SIRPD: variants seen among roughly 807,000 people sequenced by gnomAD.
The protein encoded by SIRPD is signal regulatory protein delta, also known as signal-regulatory protein delta.
In SIRPD, 21 loss-of-function variants were observed where a neutral mutation model predicts 18.0. The ratio of observed to expected loss-of-function variants is 1.17; its 90% CI spans 0.83 to 1.68. The LOEUF (loss-of-function observed/expected upper bound fraction) is 1.68, where lower values mean the gene tolerates loss of function less well. SIRPD is among the 40% of genes most tolerant of loss of function. The pLI is 0.00. For missense variants in SIRPD, 295 were observed against 238.4 expected (o/e 1.24, Z -1.56); for synonymous variants, 106 against 92.9 (o/e 1.14, Z -0.81).
chr20:1,553,720 G>A (rs886971873), intron 1 of SIRPD, among the ~76,000 whole-genome samples: 10 of 152,100 alleles, frequency 6.6e-5, no homozygotes, highest in Admixed American at 2.6e-4. Context: ...GGTGGGGTTG[G>A]CATCAGAGAA....
intron 2 of SIRPD, among the ~76,000 whole-genome samples, chr20:1,549,886 A>G (rs1307948078): frequency 6.6e-6 from 1 of 152,188 alleles, no homozygotes; most frequent in African/African-American, 2.4e-5. Flanking sequence ...ATAGCTAAGT[A>G]TTTTAAAAAC....
At chr20:1,543,205 TGG>T (rs2123126327) in intron 2 of SIRPD, among the ~76,000 whole-genome samples, 1 of 152,322 alleles carries the variant, frequency 6.6e-6, no homozygotes, top group East Asian at 1.9e-4. Flanking sequence ...TTAGAAGGAA[TGG>T]TATCAGCTCC....
intron 2 of SIRPD, among the ~76,000 whole-genome samples, chr20:1,540,814 G>C (rs1313367906): frequency 2.0e-5 from 3 of 151,992 alleles, no homozygotes; most frequent in Non-Finnish European, 4.4e-5. Flanking sequence ...AACAGGCCTT[G>C]GTGTGTGATG....
chr20:1,542,705 T>C lies in SIRPD; in HGVS notation c.422-5395A>G, dbSNP rs113820353. 1.7e-3 allele frequency among the ~76,000 whole-genome samples: 265 copies of C among 152,342 alleles called. No homozygotes were observed. In the Middle Eastern group the frequency reaches 0.02, roughly 12 times the overall value. On this transcript the variant is annotated intron_variant, in intron 2 of 3. Coordinates refer to ENST00000381623, the MANE Select transcript of SIRPD (RefSeq NM_178460.3). Reference sequence around the variant, plus strand: ...ATAGAAGTGGTGAGAGAGGGCATTCTTGTCTTGCTCTGGTTTTCAAAGAGA... The same window carrying C: ...ATAGAAGTGGTGAGAGAGGGCATTCCTGTCTTGCTCTGGTTTTCAAAGAGA...
chr20:1,550,837 T>C (rs1433796311), intron 2 of SIRPD, among the ~76,000 whole-genome samples: 1 of 152,108 alleles, frequency 6.6e-6, no homozygotes, highest in African/African-American at 2.4e-5. Context: ...GTGTAGATAA[T>C]ATAGATGAAA....
At chr20:1,542,459 G>C (rs192428644) in intron 2 of SIRPD, among the ~76,000 whole-genome samples, 139 of 152,252 alleles carry the variant, frequency 9.1e-4, no homozygotes, top group African/African-American at 3.2e-3. Flanking sequence ...TGATGTATAG[G>C]AATGCTTGTG....
chr20:1,547,520 G>A lies in SIRPD; in HGVS notation c.421+4171C>T, dbSNP rs183091925. 7.9e-5 allele frequency among the ~76,000 whole-genome samples: 12 copies of A among 152,316 alleles called. No individual in the cohort carries two copies. In the East Asian group the frequency reaches 1.9e-3, roughly 24 times the overall value. ...GATCCTCCCATCTCAGCCTCCCAAA[G>A]TGCTGGGATTACAGGCGTGAGCCAT... is the stretch of plus-strand genomic sequence containing the variant. On this transcript the variant is annotated intron_variant, in intron 2 of 3. Coordinates refer to ENST00000381623, the MANE Select transcript of SIRPD (RefSeq NM_178460.3).
At position 1,535,942 on chromosome 20, in the gene SIRPD, G is replaced by A. The variant is rs1380914207; in HGVS notation, c.577+1213C>T. Among the ~76,000 whole-genome samples, 3 of 152,326 alleles carry A rather than the reference G, an allele frequency of 2.0e-5. No homozygotes were observed. In the East Asian group the frequency reaches 5.8e-4, roughly 29 times the overall value. On this transcript the variant is annotated intron_variant, in intron 3 of 3. Coordinates refer to ENST00000381623, the MANE Select transcript of SIRPD (RefSeq NM_178460.3). ...CTTTCCATTCTTAACTGCAAGTCCA[G>A]TAGGCCAGGCTCCAGCCCTGACAAC...
At chr20:1,534,575 T>C (rs545948436) in intron 3 of SIRPD, 134 bp from the exon 4 acceptor site, 16 of 858,748 alleles carry the variant, frequency 1.9e-5, no homozygotes, top group Middle Eastern at 2.2e-4. Context: ...AAGGTTGTGG[T>C]GAGGCAGGCG....
chr20:1,537,031 G>A, intron 3 of SIRPD, 124 bp downstream of exon 3: 1 of 1,086,236 alleles, frequency 9.2e-7, no homozygotes, highest in South Asian at 1.6e-5. Context: ...AGGAAGGGGT[G>A]GCAAAGAAAG....
chr20:1,534,926 C>T (rs2123109708), intron 3 of SIRPD, among the ~76,000 whole-genome samples: 1 of 152,214 alleles, frequency 6.6e-6, no homozygotes, highest in Middle Eastern at 3.4e-3. Flanking sequence ...CTTTGACGGC[C>T]TTATTCAAAA....
Position 1,547,267 on chromosome 20 carries a change from T to G in SIRPD, c.421+4424A>C, listed in dbSNP as rs550652372. Among the ~76,000 whole-genome samples, 5 of 152,360 alleles carry G rather than the reference T, an allele frequency of 3.3e-5. No homozygotes were observed. The South Asian group carries it at 1.0e-3, about 32-fold the overall frequency. Reference sequence around the variant, plus strand: ...TCAGCATTATTTGTTGAAAAGATGCTTCTTTCCTCATTATCACACTTGTTG... The same window carrying G: ...TCAGCATTATTTGTTGAAAAGATGCGTCTTTCCTCATTATCACACTTGTTG... On this transcript the variant is annotated intron_variant, in intron 2 of 3. Coordinates refer to ENST00000381623, the MANE Select transcript of SIRPD (RefSeq NM_178460.3).
At chr20:1,555,767 C>T (rs112357888) in intron 1 of SIRPD, among the ~76,000 whole-genome samples, 6 of 152,186 alleles carry the variant, frequency 3.9e-5, no homozygotes, top group African/African-American at 1.2e-4. Context: ...TAACAAATTA[C>T]GACAAACTTA....
chr20:1,548,402 T>C, intron 2 of SIRPD, among the ~76,000 whole-genome samples: 1 of 152,162 alleles, frequency 6.6e-6, no homozygotes, highest in East Asian at 1.9e-4. Flanking sequence ...GATATTGTGT[T>C]GTATTAAATT....
intron 1 of SIRPD, chr20:1,554,367 G>A (rs1385901402): frequency 2.0e-5 from 3 of 152,544 alleles, no homozygotes; most frequent in Non-Finnish European, 4.4e-5. Flanking sequence ...CTGGTTATAG[G>A]TCAAGGTGGG....
intron 3 of SIRPD, among the ~76,000 whole-genome samples, chr20:1,535,934 C>T (rs1314592100): frequency 3.3e-5 from 5 of 152,194 alleles, no homozygotes; most frequent in Non-Finnish European, 7.3e-5. Flanking sequence ...TTCTTAACTG[C>T]AAGTCCAGTA....
At chr20:1,542,391 T>TA (rs1461837724) in intron 2 of SIRPD, among the ~76,000 whole-genome samples, 5 of 152,314 alleles carry the variant, frequency 3.3e-5, no homozygotes, top group African/African-American at 1.2e-4. Context: ...TTTTATTCTC[T>TA]TAGTAGCAAT....
At position 1,535,132 on chromosome 20, in the gene SIRPD, A is replaced by G. The variant is rs535401935; in HGVS notation, c.578-691T>C. On this transcript the variant is annotated intron_variant, in intron 3 of 3. Coordinates refer to ENST00000381623, the MANE Select transcript of SIRPD (RefSeq NM_178460.3). ...TGTATATATTGGGGATGTATTGATG[A>G]TGTTGCAGACACATATATATTTACA... Among the ~76,000 whole-genome samples, 18 of 152,346 alleles carry G rather than the reference A, an allele frequency of 1.2e-4. No individual in the cohort carries two copies. In the South Asian group the frequency reaches 3.7e-3, roughly 32 times the overall value.
intron 2 of SIRPD, among the ~76,000 whole-genome samples, chr20:1,538,941 C>T (rs2090959651): frequency 6.6e-6 from 1 of 152,054 alleles, no homozygotes; most frequent in Admixed American, 6.6e-5. Context: ...TTTTTTTGAC[C>T]TTGTGTTTTG....
Sources: gnomAD v4.1 joint callset for allele counts (sites outside exome capture counted in the v4.1 genomes callset) on GRCh38, gnomAD v4.1.1 for gene constraint, MANE v1.5 for transcripts, NCBI Gene and HGNC (gene_info 2026-07-23, HGNC 2026-07-21) for gene names.